ATF7IP2: variants seen among roughly 807,000 people sequenced by gnomAD.
The protein encoded by ATF7IP2 is activating transcription factor 7 interacting protein 2.
Under a neutral mutation model 64.2 loss-of-function variants are expected in ATF7IP2, and 42 were observed. That is an observed-to-expected ratio of 0.65 (90% CI 0.51 to 0.85). The LOEUF (loss-of-function observed/expected upper bound fraction) is 0.85, where lower values mean the gene tolerates loss of function less well. Among genes scored for constraint, ATF7IP2 ranks in the 40% least tolerant of loss-of-function variants. ATF7IP2 has a pLI of 0.00. For synonymous variants in ATF7IP2, 308 were observed against 272.8 expected (o/e 1.13, Z -1.27); for missense variants, 933 against 784.2 (o/e 1.19, Z -2.27).
At chr16:10,464,790 C>T (rs1487578717) in intron 9 of ATF7IP2, among the ~76,000 whole-genome samples, 1 of 152,206 alleles carries the variant, frequency 6.6e-6, no homozygotes, top group African/African-American at 2.4e-5. Flanking sequence ...TACTATTTTG[C>T]ATGTGTTGCT....
At chr16:10,429,361 T>A (rs1168129762) in intron 4 of ATF7IP2, among the ~76,000 whole-genome samples, 1 of 152,226 alleles carries the variant, frequency 6.6e-6, no homozygotes, top group Non-Finnish European at 1.5e-5. Context: ...TGTTTGTGTG[T>A]TTGTTTTAAG....
At chr16:10,398,984 A>T (rs1031510472) in intron 1 of ATF7IP2, among the ~76,000 whole-genome samples, 2 of 152,130 alleles carry the variant, frequency 1.3e-5, no homozygotes, top group Non-Finnish European at 1.5e-5. Context: ...GTGGTGGTGC[A>T]TGCCTGTAAT....
At chr16:10,433,904 A>C (rs550740570) in intron 6 of ATF7IP2, among the ~76,000 whole-genome samples, 1 of 147,996 alleles carries the variant, frequency 6.8e-6, no homozygotes, top group Non-Finnish European at 1.5e-5. Flanking sequence ...TTGCAAAAAG[A>C]GAATGGGCTT....
At chr16:10,451,960 G>C (rs1204804985) in intron 8 of ATF7IP2, among the ~76,000 whole-genome samples, 1 of 152,056 alleles carries the variant, frequency 6.6e-6, no homozygotes, top group Non-Finnish European at 1.5e-5. Flanking sequence ...GGCTATGCAG[G>C]AGAATCGCTT....
chr16:10,402,100 G>GTTCTGCTGTGACCTTTAT (rs2098976129), intron 1 of ATF7IP2, among the ~76,000 whole-genome samples: 1 of 151,886 alleles, frequency 6.6e-6, no homozygotes, highest in Non-Finnish European at 1.5e-5. Flanking sequence ...ATTTCATTTA[G>GTTCTGCTGTGACCTTTAT]TTCTGCTGTG....
At chr16:10,458,478 A>G (rs375546021) in intron 9 of ATF7IP2, among the ~76,000 whole-genome samples, 3 of 152,248 alleles carry the variant, frequency 2.0e-5, no homozygotes, top group South Asian at 2.1e-4. Flanking sequence ...TATATGAACA[A>G]ATCTATCTCA....
At chr16:10,463,350 G>A (rs2049437900) in intron 9 of ATF7IP2, among the ~76,000 whole-genome samples, 1 of 152,168 alleles carries the variant, frequency 6.6e-6, no homozygotes, top group Non-Finnish European at 1.5e-5. Context: ...AAAATGTGAA[G>A]CCTAATTTCC....
At chr16:10,439,668 G>T (rs1027147384) in intron 7 of ATF7IP2, among the ~76,000 whole-genome samples, 4 of 150,656 alleles carry the variant, frequency 2.7e-5, no homozygotes, top group African/African-American at 9.7e-5. Flanking sequence ...GAGTAGCTGG[G>T]ATTACAGGCG....
At chr16:10,425,706 C>G (rs570804220) in intron 3 of ATF7IP2, among the ~76,000 whole-genome samples, 136 of 152,108 alleles carry the variant, frequency 8.9e-4, no homozygotes, top group African/African-American at 3.2e-3. Flanking sequence ...CCAGCCTGAC[C>G]AACACTGAGG....
rs1225663894 is a variant in ATF7IP2, at chr16:10,433,648, A to G, written c.959A>G (p.Gln320Arg). ...GAAAGGCAAACAGCATTCCTGGAAC[A>G]GGTAAAATATTGGGGCTTAAATGGA... is the stretch of plus-strand genomic sequence containing the variant. ...SLERQTAFLEQVRHLIQQEIY... is the reference protein window; with the variant it reads ...SLERQTAFLERVRHLIQQEIY... The change falls in exon 6 of 14, where the codon CAG becomes CGG. Residue 320 changes from glutamine (Q) to arginine (R), a missense_variant and splice_region_variant. By Grantham distance (43) the Gln-to-Arg change is conservative (BLOSUM62 1). Coordinates refer to ENST00000562102, the MANE Select transcript of ATF7IP2 (RefSeq NM_001393719.1). 6.2e-7 allele frequency: 1 copy of G among 1,612,928 alleles called. No homozygotes were observed. The highest frequency in any genetic ancestry group is 8.5e-7 in the Non-Finnish European group (1 of 1,179,520).
At chr16:10,432,584 A>AG (rs1285898233) in intron 5 of ATF7IP2, among the ~76,000 whole-genome samples, 2 of 151,808 alleles carry the variant, frequency 1.3e-5, no homozygotes, top group Non-Finnish European at 3.0e-5. Flanking sequence ...AGAAAAAAAA[A>AG]GAAGCCGGGC....
chr16:10,405,983 G>A (rs2047631126), intron 1 of ATF7IP2, among the ~76,000 whole-genome samples: 1 of 152,114 alleles, frequency 6.6e-6, no homozygotes, highest in Admixed American at 6.5e-5. Context: ...CAGCTACTCA[G>A]GAGGCTGAAG....
chr16:10,430,456 T>C (rs2048206910), intron 4 of ATF7IP2, 155 bp from the exon 5 acceptor site: 1 of 567,486 alleles, frequency 1.8e-6, no homozygotes, highest in South Asian at 2.7e-5. Flanking sequence ...TTCAGTGTCA[T>C]GAAAATGGAT....
Position 10,440,887 on chromosome 16 carries a change from C to G in ATF7IP2, c.1194+425C>G, listed in dbSNP as rs142100382. On this transcript the variant is annotated intron_variant, in intron 8 of 13. Transcript: ENST00000562102. ...TCTACATTAGGTATTTCTCCTAATG[C>G]TATCCCTCCCCTAGCCTCCCCACCC... Among the ~76,000 whole-genome samples the G allele has an allele frequency of 3.6e-3, 542 of 152,264 alleles. 3 individuals carry two copies. The highest frequency in any genetic ancestry group is 6.4e-3 in the Admixed American group (98 of 15,286).
At chr16:10,465,150 T>G (rs1482916934) in intron 9 of ATF7IP2, among the ~76,000 whole-genome samples, 1 of 152,154 alleles carries the variant, frequency 6.6e-6, no homozygotes, top group East Asian at 1.9e-4. Flanking sequence ...TTATTAAAAT[T>G]TATTTAATCC....
chr16:10,398,028 G>C (rs369179018), intron 1 of ATF7IP2, among the ~76,000 whole-genome samples: 1 of 151,954 alleles, frequency 6.6e-6, no homozygotes, highest in African/African-American at 2.4e-5. Context: ...GATAAGACTG[G>C]GCATGGTGGC....
At chr16:10,392,673 T>A (rs1010967048) in intron 1 of ATF7IP2, among the ~76,000 whole-genome samples, 1 of 152,064 alleles carries the variant, frequency 6.6e-6, no homozygotes, top group East Asian at 1.9e-4. Context: ...AACATTGATA[T>A]AAAAATTATA....
chr16:10,473,881 T>A, intron 11 of ATF7IP2, 42 bp from the exon 12 acceptor site: 3 of 1,210,500 alleles, frequency 2.5e-6, no homozygotes, highest in East Asian at 2.4e-5. Flanking sequence ...CATTTTCAGC[T>A]ATTGAGGCAA....
chr16:10,449,459 A>AACC (rs1220827588), intron 8 of ATF7IP2: 1 of 152,202 alleles, frequency 6.6e-6, no homozygotes, highest in Non-Finnish European at 1.5e-5. Context: ...TTGGTAGACT[A>AACC]TTAATTACTG....
Sources: gnomAD v4.1 joint callset for allele counts (sites outside exome capture counted in the v4.1 genomes callset) on GRCh38, gnomAD v4.1.1 for gene constraint, MANE v1.5 for transcripts, NCBI Gene and HGNC (gene_info 2026-07-23, HGNC 2026-07-21) for gene names.